ZNF33B: variants seen among roughly 807,000 people sequenced by gnomAD.
ZNF33B encodes the protein zinc finger protein 11b (KOX 2).
A neutral mutation model predicts 45.8 loss-of-function variants in ZNF33B; 29 were observed. The ratio of observed to expected loss-of-function variants is 0.63; its 90% CI spans 0.47 to 0.86. The LOEUF (loss-of-function observed/expected upper bound fraction) is 0.86, where lower values mean the gene tolerates loss of function less well. Ranked by LOEUF, ZNF33B falls within the 40% of genes least tolerant of loss-of-function variation. The pLI is 0.00. For missense variants in ZNF33B, 831 were observed against 909.9 expected (o/e 0.91, Z 1.12); for synonymous variants, 305 against 307.8 (o/e 0.99, Z 0.10).
chr10:42,576,437 A>T (rs1277697596), intron 1 of ZNF33B, among the ~76,000 whole-genome samples: 5 of 152,180 alleles, frequency 3.3e-5, no homozygotes, highest in African/African-American at 1.2e-4. Context: ...TGCAGTGGGA[A>T]GCCTCAGGTG....
At chr10:42,584,592 C>T (rs1836893056), downstream of ZNF33B, among the ~76,000 whole-genome samples, 1 of 151,990 alleles carries the variant, frequency 6.6e-6, no homozygotes, top group African/African-American at 2.4e-5. Flanking sequence ...ACCATCTCGG[C>T]TCACTGCAAC....
chr10:42,603,956 T>C (rs918521814), intron 4 of ZNF33B, among the ~76,000 whole-genome samples: 1 of 152,188 alleles, frequency 6.6e-6, no homozygotes, highest in Non-Finnish European at 1.5e-5. Context: ...CAACAAGCCC[T>C]AGAGAGAATA....
At chr10:42,616,546 A>C (rs145814468) in intron 4 of ZNF33B, among the ~76,000 whole-genome samples, 1 of 151,914 alleles carries the variant, frequency 6.6e-6, no homozygotes, top group South Asian at 2.1e-4. Context: ...CCCAACCTTT[A>C]TGTTTTATTA....
downstream of ZNF33B, among the ~76,000 whole-genome samples, chr10:42,584,130 C>G (rs1395999180): frequency 6.6e-6 from 1 of 152,250 alleles, no homozygotes; most frequent in African/African-American, 2.4e-5. Flanking sequence ...CATCCTGCAC[C>G]AGTCCACCTG....
At chr10:42,575,960 T>G (rs1250856533) in intron 1 of ZNF33B, among the ~76,000 whole-genome samples, 1 of 151,216 alleles carries the variant, frequency 6.6e-6, no homozygotes, top group African/African-American at 2.4e-5. Context: ...TGACAGGATC[T>G]CAGCTCATGC....
chr10:42,575,901 T>TG (rs1360473045), intron 1 of ZNF33B, among the ~76,000 whole-genome samples: 1 of 151,142 alleles, frequency 6.6e-6, no homozygotes, highest in Non-Finnish European at 1.5e-5. Flanking sequence ...GGCTAATTTT[T>TG]TTTTTTTTGA....
downstream of ZNF33B, among the ~76,000 whole-genome samples, chr10:42,587,774 C>A (rs190003420): frequency 1.3e-5 from 2 of 152,196 alleles, no homozygotes. Flanking sequence ...AGAGTTACTT[C>A]CTCTGGTAAT....
intron 2 of ZNF33B, among the ~76,000 whole-genome samples, chr10:42,633,620 G>A (rs1839152945): frequency 6.6e-6 from 1 of 152,124 alleles, no homozygotes; most frequent in Non-Finnish European, 1.5e-5. Context: ...AGGAAAGTTA[G>A]GGCAAAATAG....
chr10:42,575,006 A>G (rs1322818267), intron 1 of ZNF33B, among the ~76,000 whole-genome samples: 1 of 152,202 alleles, frequency 6.6e-6, no homozygotes, highest in African/African-American at 2.4e-5. Context: ...ACCTCAACCA[A>G]GGGTATTACA....
chr10:42,594,098 T>G lies in ZNF33B; in HGVS notation c.852A>C (p.Leu284Phe), dbSNP rs1282546214. The G allele has an allele frequency of 1.9e-6, 3 of 1,613,958 alleles. No homozygotes were observed. The highest frequency in any genetic ancestry group is 2.2e-5 in the East Asian group (1 of 44,884). ...HYEFSDCEKF[L>F]CVKSTLSKHD... ...GTTTAGAAAGGGTGGACTTCACACA[T>G]AAGAACTTCTCACAATCACTAAATT... Residue 284 changes from leucine to phenylalanine, a missense_variant, in exon 5 of 5, where the codon TTA (leucine) becomes TTC (phenylalanine). Leu to Phe is a conservative substitution (Grantham distance 22). Transcript: ENST00000359467.
At chr10:42,609,334 G>T (rs953838935) in intron 4 of ZNF33B, among the ~76,000 whole-genome samples, 3 of 152,064 alleles carry the variant, frequency 2.0e-5, no homozygotes, top group Non-Finnish European at 4.4e-5. Flanking sequence ...TGGGAAAATT[G>T]CCTGAGCCTG....
At position 42,593,494 on chromosome 10, in the gene ZNF33B, G is replaced by T; in HGVS notation, c.1456C>A (p.Gln486Lys). The change falls in exon 5 of 5, where the codon CAG (glutamine) becomes AAG (lysine). Residue 486 changes from glutamine (Q) to lysine (K), a missense_variant. Physicochemically the swap from Gln to Lys is moderately conservative, Grantham distance 53. Coordinates refer to ENST00000359467, the MANE Select transcript of ZNF33B (RefSeq NM_006955.3). ...KSFCQKSHLT[Q>K]HQRTHIGDKP... ...TCTCCTATGTGAGTTCTCTGATGCTGTGTAAGATGTGACTTTTGACAAAAG... is the reference window on the plus strand; with the variant it reads ...TCTCCTATGTGAGTTCTCTGATGCTTTGTAAGATGTGACTTTTGACAAAAG... 1 of 1,613,980 alleles carries T rather than the reference G, an allele frequency of 6.2e-7. No individual in the cohort carries two copies. Among genetic ancestry groups the T allele is most frequent in the Non-Finnish European group, 8.5e-7 (1 of 1,179,968 alleles).
downstream of ZNF33B, among the ~76,000 whole-genome samples, chr10:42,585,734 T>A (rs534573856): frequency 7.2e-5 from 11 of 152,358 alleles, no homozygotes; most frequent in African/African-American, 2.6e-4. Flanking sequence ...ATTATGTATA[T>A]ATTTACATGT....
chr10:42,626,128 C>T lies in ZNF33B; in HGVS notation c.250+5801G>A, dbSNP rs558682381. ...TTGTCAAATGCTTTCTCTATATTAA[C>T]TGATGTTATATCATTTTTCTTCTTT... is the stretch of plus-strand genomic sequence containing the variant. On this transcript the variant is annotated intron_variant, in intron 4 of 4. Coordinates refer to ENST00000359467, the MANE Select transcript of ZNF33B (RefSeq NM_006955.3). 7.2e-5 allele frequency among the ~76,000 whole-genome samples: 11 copies of T among 152,288 alleles called. No homozygotes were observed. The South Asian group carries it at 2.3e-3, about 32-fold the overall frequency.
At chr10:42,616,550 TTTA>T (rs1158480421) in intron 4 of ZNF33B, among the ~76,000 whole-genome samples, 1 of 152,140 alleles carries the variant, frequency 6.6e-6, no homozygotes, top group Non-Finnish European at 1.5e-5. Flanking sequence ...ACCTTTATGT[TTTA>T]TTATTTTTTT....
intron 4 of ZNF33B, among the ~76,000 whole-genome samples, chr10:42,596,015 A>G (rs955185605): frequency 6.6e-6 from 1 of 152,100 alleles, no homozygotes; most frequent in African/African-American, 2.4e-5. Context: ...AATAATTTTA[A>G]AAGAGTAAGA....
Position 42,636,932 on chromosome 10 carries a change from G to C in ZNF33B, c.-4C>G, listed in dbSNP as rs780696441. ...ATAAACAACTTACCTTGTTCATTTT[G>C]TTCTGTTCTTGGAAAGACGGAGACA... On this transcript the variant is annotated 5_prime_UTR_variant, in exon 2 of 5. Transcript: ENST00000359467. 6.2e-6 allele frequency: 10 copies of C among 1,614,064 alleles called. No individual in the cohort carries two copies. Among genetic ancestry groups the C allele is most frequent in the Non-Finnish European group, 8.5e-6 (10 of 1,180,032 alleles).
chr10:42,581,377 T>A (rs1392265644), intron 1 of ZNF33B, among the ~76,000 whole-genome samples: 2 of 145,628 alleles, frequency 1.4e-5, no homozygotes, highest in East Asian at 4.1e-4. Flanking sequence ...GACAGGAGAA[T>A]CACTTGAACC....
chr10:42,637,838 A>C (rs1839392981), intron 1 of ZNF33B, among the ~76,000 whole-genome samples: 2 of 152,124 alleles, frequency 1.3e-5, no homozygotes, highest in Admixed American at 6.5e-5. Context: ...TTTTTAGTAG[A>C]GACGGGGATT....
Sources: gnomAD v4.1 joint callset for allele counts (sites outside exome capture counted in the v4.1 genomes callset) on GRCh38, gnomAD v4.1.1 for gene constraint, MANE v1.5 for transcripts, NCBI Gene and HGNC (gene_info 2026-07-23, HGNC 2026-07-21) for gene names.